PCGF3: variants seen among roughly 807,000 people sequenced by gnomAD.
The protein encoded by PCGF3 is polycomb group RING finger protein 3.
PCGF3 carries 7 observed loss-of-function variants against 33.1 expected under a neutral mutation model. The observed-to-expected ratio is 0.21, with a 90% CI of 0.12 to 0.40. The LOEUF (loss-of-function observed/expected upper bound fraction) is 0.40, where lower values mean the gene tolerates loss of function less well. Among genes scored for constraint, PCGF3 ranks in the 10% least tolerant of loss-of-function variants. The pLI, the probability that PCGF3 is intolerant of heterozygous loss-of-function variation, is 1.00. For synonymous variants in PCGF3, 153 were observed against 121.3 expected (o/e 1.26, Z -1.72); for missense variants, 211 against 313.3 (o/e 0.67, Z 2.46).
chr4:727,561 A>G (rs1212843266), intron 1 of PCGF3, among the ~76,000 whole-genome samples: 1 of 152,076 alleles, frequency 6.6e-6, no homozygotes, highest in Non-Finnish European at 1.5e-5. Context: ...TTTTTAAATC[A>G]TGAATGGACA....
chr4:717,136 G>A (rs1742890772), intron 1 of PCGF3, among the ~76,000 whole-genome samples: 1 of 43,938 alleles, frequency 2.3e-5, no homozygotes, highest in South Asian at 1.3e-3. Context: ...TGAGAACTGA[G>A]CGTCGGTGCT....
At chr4:749,923 A>C (rs902870467) in intron 8 of PCGF3, among the ~76,000 whole-genome samples, 2 of 152,208 alleles carry the variant, frequency 1.3e-5, no homozygotes, top group Non-Finnish European at 2.9e-5. Flanking sequence ...GCTCCTGCCC[A>C]AGCCTCCAGA....
chr4:732,550 A>G (rs537777600), intron 3 of PCGF3: 3 of 152,412 alleles, frequency 2.0e-5, no homozygotes, highest in African/African-American at 7.2e-5. Context: ...GACAGGCCTC[A>G]CCCACAAACA....
At chr4:769,777 C>T (rs1745545268) in exon 11 of PCGF3, 1 of 152,546 alleles carries the variant, frequency 6.6e-6, no homozygotes, top group Admixed American at 6.5e-5. Context: ...GACGCATTTT[C>T]CCAGACGAAA....
At chr4:734,527 TTA>T in intron 4 of PCGF3, 1 of 1,187,268 alleles carries the variant, frequency 8.4e-7, no homozygotes, top group Non-Finnish European at 1.0e-6. Context: ...TTAGCATATT[TTA>T]TGTTAGGTTA....
At chr4:758,842 C>T (rs370149585) in intron 8 of PCGF3, among the ~76,000 whole-genome samples, 194 of 10,950 alleles carry the variant, frequency 0.018, 12 homozygotes, top group East Asian at 0.074. Context: ...TCTCCCCGCG[C>T]GGCCCCTCTC....
At chr4:751,452 G>A (rs1005213435) in intron 8 of PCGF3, among the ~76,000 whole-genome samples, 6 of 152,208 alleles carry the variant, frequency 3.9e-5, no homozygotes, top group Admixed American at 2.0e-4. Flanking sequence ...CGCCACGTCC[G>A]CACGTCACTT....
intron 1 of PCGF3, among the ~76,000 whole-genome samples, chr4:712,191 C>G (rs1006527699): frequency 6.6e-5 from 10 of 152,020 alleles, no homozygotes; most frequent in Non-Finnish European, 1.3e-4. Flanking sequence ...TTAAGAAAAA[C>G]AAAACAAAAC....
chr4:747,778 C>G (rs1376891453), intron 8 of PCGF3, among the ~76,000 whole-genome samples: 2 of 152,138 alleles, frequency 1.3e-5, no homozygotes, highest in East Asian at 3.8e-4. Flanking sequence ...CTGGGAGCAC[C>G]GAGGGAGGGC....
At chr4:744,525 G>T in intron 7 of PCGF3, 75 bp from the exon 8 acceptor site, 2 of 1,089,840 alleles carry the variant, frequency 1.8e-6, no homozygotes, top group Non-Finnish European at 2.7e-6. Context: ...GACGGCATTT[G>T]GAGTACAGTG....
At chr4:766,674 C>T (rs1745391327) in exon 11 of PCGF3, 1 of 152,232 alleles carries the variant, frequency 6.6e-6, no homozygotes, top group South Asian at 2.1e-4. Flanking sequence ...AACACAACAG[C>T]AGCTCCCTGA....
chr4:727,914 C>T (rs143840461), intron 1 of PCGF3, among the ~76,000 whole-genome samples: 60 of 152,292 alleles, frequency 3.9e-4, no homozygotes, highest in African/African-American at 1.3e-3. Context: ...TATTTGTGCC[C>T]TGAGCGTCTG....
intron 6 of PCGF3, among the ~76,000 whole-genome samples, chr4:738,832 C>G (rs954620243): frequency 6.6e-6 from 1 of 151,736 alleles, no homozygotes; most frequent in African/African-American, 2.4e-5. Flanking sequence ...GCACTCCAGG[C>G]TGGGCGACAG....
chr4:724,387 A>C (rs1382464163), intron 1 of PCGF3, among the ~76,000 whole-genome samples: 1 of 152,226 alleles, frequency 6.6e-6, no homozygotes, highest in Non-Finnish European at 1.5e-5. Flanking sequence ...GTGAAGCTCC[A>C]CGGAGCACCC....
chr4:761,860 G>A, intron 9 of PCGF3: 1 of 985,418 alleles, frequency 1.0e-6, no homozygotes, highest in Non-Finnish European at 1.2e-6. Context: ...GTCCCTGTGA[G>A]CCCCCAAGGC....
At chr4:760,622 C>A (rs748847349) in intron 8 of PCGF3, among the ~76,000 whole-genome samples, 1 of 152,238 alleles carries the variant, frequency 6.6e-6, no homozygotes, top group Non-Finnish European at 1.5e-5. Context: ...CCGTTTGTTG[C>A]GGCTCCACCT....
At chr4:739,780 C>T (rs1362983429) in intron 6 of PCGF3, among the ~76,000 whole-genome samples, 2 of 152,216 alleles carry the variant, frequency 1.3e-5, no homozygotes, top group African/African-American at 4.8e-5. Flanking sequence ...ATGTTCTCGT[C>T]CACCTCAGCA....
intron 6 of PCGF3, among the ~76,000 whole-genome samples, chr4:738,831 G>C (rs560062070): frequency 5.9e-5 from 9 of 151,752 alleles, no homozygotes; most frequent in East Asian, 3.9e-4. Flanking sequence ...TGCACTCCAG[G>C]CTGGGCGACA....
exon 11 of PCGF3, chr4:766,837 C>G (rs559205360): frequency 8.4e-4 from 128 of 152,370 alleles, no homozygotes; most frequent in African/African-American, 3.0e-3. Context: ...GCCGTGTGAC[C>G]AGCTCAGTGC....
Sources: gnomAD v4.1 joint callset for allele counts (sites outside exome capture counted in the v4.1 genomes callset) on GRCh38, gnomAD v4.1.1 for gene constraint, MANE v1.5 for transcripts, NCBI Gene and HGNC (gene_info 2026-07-23, HGNC 2026-07-21) for gene names.